MALRD1: variants seen among roughly 807,000 people sequenced by gnomAD.
The protein encoded by MALRD1 is MAM and LDL receptor class A domain containing 1, also known as MAM and LDL-receptor class A domain-containing protein 1.
In MALRD1, 247 loss-of-function variants were observed where a neutral mutation model predicts 242.1. That is an observed-to-expected ratio of 1.02 (90% CI 0.92 to 1.13). MALRD1 has a LOEUF of 1.13. Ranked by LOEUF, MALRD1 falls within the 50% of genes most tolerant of loss-of-function variation. The probability of loss-of-function intolerance (pLI) is 0.00; values close to 1 mark genes in which losing one functional copy is unlikely to be tolerated. For missense variants in MALRD1, 2,989 were observed against 2,533.1 expected (o/e 1.18, Z -3.86); for synonymous variants, 995 against 866.6 (o/e 1.15, Z -2.60).
At chr10:19,723,239 AT>A (rs1375475926) in intron 38 of MALRD1, among the ~76,000 whole-genome samples, 1 of 152,212 alleles carries the variant, frequency 6.6e-6, no homozygotes, top group East Asian at 1.9e-4. Flanking sequence ...TGATAGATAA[AT>A]TATTATGTTT....
At chr10:19,332,870 CA>C (rs1843442983) in intron 24 of MALRD1, among the ~76,000 whole-genome samples, 1 of 152,078 alleles carries the variant, frequency 6.6e-6, no homozygotes. Context: ...TCCTAGAACA[CA>C]AGTATTTTAT....
chr10:19,351,417 G>T (rs1348323453), intron 25 of MALRD1, among the ~76,000 whole-genome samples: 1 of 152,062 alleles, frequency 6.6e-6, no homozygotes, highest in Non-Finnish European at 1.5e-5. Flanking sequence ...AAGCTCCGTG[G>T]GTTGCTCTGT....
chr10:19,171,376 T>C (rs1834914717), intron 13 of MALRD1, among the ~76,000 whole-genome samples: 2 of 149,102 alleles, frequency 1.3e-5, no homozygotes, highest in African/African-American at 4.9e-5. Flanking sequence ...TACCAATTGA[T>C]GCTGACTGTA....
At chr10:19,619,628 A>G (rs1839313670) in intron 36 of MALRD1, among the ~76,000 whole-genome samples, 1 of 152,130 alleles carries the variant, frequency 6.6e-6, no homozygotes, top group South Asian at 2.1e-4. Context: ...AGGAATAAAT[A>G]ATAGCACAAC....
At chr10:19,581,739 A>G (rs1263526203) in intron 33 of MALRD1, among the ~76,000 whole-genome samples, 3 of 150,452 alleles carry the variant, frequency 2.0e-5, no homozygotes, top group African/African-American at 7.4e-5. Flanking sequence ...ATACCCAGTA[A>G]TGGGATGGCT....
At chr10:19,063,985 T>C (rs1834898363) in intron 1 of MALRD1, among the ~76,000 whole-genome samples, 1 of 151,918 alleles carries the variant, frequency 6.6e-6, no homozygotes, top group Non-Finnish European at 1.5e-5. Context: ...AAAATATTTT[T>C]CTTTCCATTA....
intron 28 of MALRD1, among the ~76,000 whole-genome samples, chr10:19,396,164 G>A (rs1258412331): frequency 8.5e-6 from 1 of 118,080 alleles, no homozygotes; most frequent in Admixed American, 1.0e-4. Context: ...TTTTGATGGA[G>A]TCTCGTTCTG....
At chr10:19,424,156 T>G (rs948863872) in intron 28 of MALRD1, among the ~76,000 whole-genome samples, 1 of 152,186 alleles carries the variant, frequency 6.6e-6, no homozygotes, top group Non-Finnish European at 1.5e-5. Context: ...TTTCTTTATT[T>G]TTTTTTCTTT....
chr10:19,553,677 T>C (rs573068247), intron 32 of MALRD1, among the ~76,000 whole-genome samples: 25 of 152,298 alleles, frequency 1.6e-4, no homozygotes, highest in Non-Finnish European at 3.1e-4. Context: ...GCTCTGAGCA[T>C]ATGTATTTAA....
chr10:19,491,466 C>A, intron 29 of MALRD1, 51 bp from the exon 30 acceptor site: 1 of 1,532,692 alleles, frequency 6.5e-7, no homozygotes, highest in South Asian at 1.2e-5. Flanking sequence ...ATCTTCAAGT[C>A]TAATGAAAAT....
chr10:19,288,239 T>A (rs1262975188), intron 21 of MALRD1, among the ~76,000 whole-genome samples: 1 of 152,078 alleles, frequency 6.6e-6, no homozygotes, highest in African/African-American at 2.4e-5. Flanking sequence ...AGGCATGCAA[T>A]GTATAATAAT....
At chr10:19,536,081 T>C (rs1834661367) in intron 32 of MALRD1, among the ~76,000 whole-genome samples, 1 of 152,174 alleles carries the variant, frequency 6.6e-6, no homozygotes, top group South Asian at 2.1e-4. Context: ...GGTTATGCAT[T>C]CCCTGCCCTT....
rs554726450 is a variant in MALRD1 at position 19,709,065 on chromosome 10, A to G, written c.6314+16511A>G. On this transcript the variant is annotated intron_variant, in intron 38 of 39. Coordinates refer to ENST00000454679, the MANE Select transcript of MALRD1 (RefSeq NM_001142308.3). ...TTGTCTTTTTACTTTGCTCTTTCCT[A>G]AGCAAAAATATTCATGAAGTCATGG... 3.3e-4 allele frequency among the ~76,000 whole-genome samples: 34 copies of G among 101,982 alleles called. 5 individuals are homozygous for G. Among genetic ancestry groups the G allele is most frequent in the African/African-American group, 9.9e-4 (34 of 34,194 alleles). 66.9% of individuals were successfully genotyped at this position (101,982 alleles called of 152,430 possible).
chr10:19,204,340 A>G lies in MALRD1; in HGVS notation c.2137A>G (p.Ser713Gly), dbSNP rs766213897. Reference protein sequence around the residue: ...HFMFILKKSSSLWQVAKLQSP... With the variant: ...HFMFILKKSSGLWQVAKLQSP... Reference sequence around the variant, plus strand: ...TATGTTCATTCTGAAGAAAAGCAGCAGCTTGTGGCAAGTTGCTAAGCTTCA... The same window carrying G: ...TATGTTCATTCTGAAGAAAAGCAGCGGCTTGTGGCAAGTTGCTAAGCTTCA... Residue 713 changes from serine (S) to glycine (G), a missense_variant, in exon 16 of 40, where the codon AGC becomes GGC. Transcript: ENST00000454679. 38 of 1,545,442 alleles carry G rather than the reference A, an allele frequency of 2.5e-5. No individual in the cohort carries two copies. The highest frequency in any genetic ancestry group is 3.2e-5 in the Non-Finnish European group (37 of 1,145,160).
At chr10:19,709,764 AG>A (rs1435465612) in intron 38 of MALRD1, among the ~76,000 whole-genome samples, 1 of 152,198 alleles carries the variant, frequency 6.6e-6, no homozygotes. Context: ...AAAATTAAAA[AG>A]ATGCCTAATT....
In MALRD1 at chr10:19,653,176, T is replaced by C. The variant is rs527753594; in HGVS notation, c.6137+37253T>C. Among the ~76,000 whole-genome samples, 197 of 152,202 alleles carry C rather than the reference T, an allele frequency of 1.3e-3. 1 individual carries two copies. Among genetic ancestry groups the C allele is most frequent in the African/African-American group, 4.4e-3 (182 of 41,532 alleles). On this transcript the variant is annotated intron_variant, in intron 36 of 39. Coordinates refer to ENST00000454679, the MANE Select transcript of MALRD1 (RefSeq NM_001142308.3). ...CATCTGATCAGTTTCCATCTCTTGC[T>C]GATTTCTCTTTTATATTTTATTATT... is the stretch of plus-strand genomic sequence containing the variant.
chr10:19,145,724 A>G (rs1833706246), intron 10 of MALRD1, among the ~76,000 whole-genome samples: 1 of 152,002 alleles, frequency 6.6e-6, no homozygotes, highest in Admixed American at 6.5e-5. Flanking sequence ...TGCAATTCCA[A>G]AATGGCTAGG....
intron 33 of MALRD1, among the ~76,000 whole-genome samples, chr10:19,573,237 C>T (rs1409547178): frequency 4.6e-5 from 7 of 152,144 alleles, no homozygotes; most frequent in Admixed American, 1.3e-4. Context: ...GGAAACTCTC[C>T]CTGGCCCTGG....
chr10:19,115,333 C>T (rs1564401121), intron 5 of MALRD1, among the ~76,000 whole-genome samples: 1 of 152,098 alleles, frequency 6.6e-6, no homozygotes, highest in Non-Finnish European at 1.5e-5. Context: ...GAGGTCTATA[C>T]TCTGGGTGAC....
Sources: allele counts gnomAD v4.1 joint callset (sites outside exome capture counted in the v4.1 genomes callset), GRCh38; gene constraint gnomAD v4.1.1; transcripts MANE v1.5; gene names NCBI Gene and HGNC (gene_info 2026-07-23, HGNC 2026-07-21).